TUSC3: variants seen among roughly 807,000 people sequenced by gnomAD.
The protein encoded by TUSC3 is tumor suppressor candidate 3, also known as dolichyl-diphosphooligosaccharide--protein glycosyltransferase subunit TUSC3.
TUSC3 carries 45 observed loss-of-function variants against 44.8 expected under a neutral mutation model. The ratio of observed to expected loss-of-function variants is 1.00; its 90% CI spans 0.79 to 1.29. TUSC3 has a LOEUF of 1.29. TUSC3 is among the 50% of genes most tolerant of loss of function. TUSC3 has a pLI of 0.00. For synonymous variants in TUSC3, 212 were observed against 152.9 expected, an observed-to-expected ratio of 1.39 and a Z score of -2.85; for missense variants, 519 against 437.9, an observed-to-expected ratio of 1.19 and a Z score of -1.65.
intron 6 of TUSC3, among the ~76,000 whole-genome samples, chr8:15,697,295 C>G (rs1368553515): frequency 6.6e-6 from 1 of 152,052 alleles, no homozygotes; most frequent in Non-Finnish European, 1.5e-5. Flanking sequence ...CTGCTCTGAT[C>G]TTGGTTATTT....
At chr8:15,592,148 G>A (rs745702292) in intron 1 of TUSC3, among the ~76,000 whole-genome samples, 16 of 152,172 alleles carry the variant, frequency 1.1e-4, no homozygotes, top group Non-Finnish European at 2.2e-4. Context: ...TTCTTGACTT[G>A]AATAGTTGTT....
At chr8:15,747,825 A>G (rs1453072964) in intron 8 of TUSC3, among the ~76,000 whole-genome samples, 1 of 152,034 alleles carries the variant, frequency 6.6e-6, no homozygotes, top group African/African-American at 2.4e-5. Flanking sequence ...TCTGGTTTTC[A>G]CTTAGACCAT....
At chr8:15,424,740 C>A (rs977666361) in intron 1 of TUSC3, among the ~76,000 whole-genome samples, 1 of 151,960 alleles carries the variant, frequency 6.6e-6, no homozygotes, top group Non-Finnish European at 1.5e-5. Flanking sequence ...ATTAGCCAGG[C>A]GTGGTGGCAC....
the TUSC3 span, among the ~76,000 whole-genome samples, chr8:15,800,342 G>C: frequency 6.6e-6 from 1 of 152,140 alleles, no homozygotes; most frequent in South Asian, 2.1e-4. Context: ...GGAGGCTAAG[G>C]TGGGCAGATT....
chr8:15,536,614 G>T (rs550934678), upstream of TUSC3, among the ~76,000 whole-genome samples: 19 of 145,412 alleles, frequency 1.3e-4, 1 homozygote, highest in East Asian at 4.1e-3. Context: ...CCTGGGAGGC[G>T]GAGGTTGCAG....
intron 6 of TUSC3, among the ~76,000 whole-genome samples, chr8:15,717,078 G>A (rs917397640): frequency 3.3e-5 from 5 of 152,040 alleles, no homozygotes; most frequent in Admixed American, 1.3e-4. Flanking sequence ...ACAATAGACA[G>A]AATTCTGGAC....
intron 1 of TUSC3, among the ~76,000 whole-genome samples, chr8:15,423,199 G>C (rs2129115481): frequency 6.6e-6 from 1 of 152,226 alleles, no homozygotes; most frequent in East Asian, 1.9e-4. Context: ...CAGGTTCAGT[G>C]CATACATGGT....
the TUSC3 span, among the ~76,000 whole-genome samples, chr8:15,796,543 C>T: frequency 6.6e-6 from 1 of 152,194 alleles, no homozygotes; most frequent in African/African-American, 2.4e-5. Context: ...GCATAGCTGC[C>T]ACTGAGATTC....
rs557100979 is a variant in TUSC3, at chr8:15,739,128, G to T, written c.863-4410G>T. Among the ~76,000 whole-genome samples, 30 of 151,814 alleles carry T rather than the reference G, an allele frequency of 2.0e-4. 1 individual carries two copies. The South Asian group carries it at 5.6e-3, about 28-fold the overall frequency. ...TTACAGGCGTGAGCCACTGCGCCTG[G>T]CCTCTTGCTTTGTTATTAAGAATTT... On this transcript the variant is annotated intron_variant, in intron 7 of 10. Transcript: ENST00000503731.
At chr8:15,668,503 C>G (rs766798399) in intron 5 of TUSC3, among the ~76,000 whole-genome samples, 1 of 151,684 alleles carries the variant, frequency 6.6e-6, no homozygotes, top group African/African-American at 2.4e-5. Flanking sequence ...GTGAAAAAGA[C>G]TAGCACGTGA....
At chr8:15,505,783 T>C (rs1801044481) in intron 2 of TUSC3, among the ~76,000 whole-genome samples, 1 of 152,210 alleles carries the variant, frequency 6.6e-6, no homozygotes, top group East Asian at 1.9e-4. Flanking sequence ...TTTTAAACCC[T>C]ACAGAGTAAG....
intron 1 of TUSC3, among the ~76,000 whole-genome samples, chr8:15,448,433 A>G (rs1177672984): frequency 3.3e-5 from 5 of 152,102 alleles, no homozygotes; most frequent in Admixed American, 3.3e-4. Context: ...GTATAAATTT[A>G]TACTGATAAA....
At chr8:15,753,672 C>T (rs750467716) in intron 9 of TUSC3, among the ~76,000 whole-genome samples, 70 of 152,052 alleles carry the variant, frequency 4.6e-4, no homozygotes, top group Non-Finnish European at 7.7e-4. Context: ...CTTTCGTTTT[C>T]TTCTCAGTTA....
the TUSC3 span, among the ~76,000 whole-genome samples, chr8:15,804,774 G>C: frequency 6.6e-6 from 1 of 152,062 alleles, no homozygotes; most frequent in Non-Finnish European, 1.5e-5. Context: ...CTCCAACTTT[G>C]CTCTTTTTGC....
the TUSC3 span, among the ~76,000 whole-genome samples, chr8:15,799,464 C>T: frequency 6.6e-6 from 1 of 152,164 alleles, no homozygotes; most frequent in East Asian, 1.9e-4. Context: ...CAAGGAAGTT[C>T]CTCTGCCTGG....
intron 1 of TUSC3, among the ~76,000 whole-genome samples, chr8:15,481,675 G>C (rs1800663090): frequency 6.6e-6 from 1 of 152,184 alleles, no homozygotes; most frequent in Non-Finnish European, 1.5e-5. Context: ...AGTCTGTTAA[G>C]TGTGCAATAG....
At chr8:15,522,829 T>G (rs964783925) in intron 2 of TUSC3, among the ~76,000 whole-genome samples, 3 of 152,116 alleles carry the variant, frequency 2.0e-5, no homozygotes, top group African/African-American at 7.2e-5. Flanking sequence ...GCTCAAGAAT[T>G]TTGATGGTAT....
At position 15,752,360 on chromosome 8, in the gene TUSC3, A is replaced by AATAT. The variant is rs1811743510; in HGVS notation, c.1028+3895_1028+3896insATAT. Among the ~76,000 whole-genome samples the AATAT allele has an allele frequency of 2.0e-5, 3 of 152,150 alleles. No homozygotes were observed. The East Asian group carries it at 5.8e-4, about 29-fold the overall frequency. On this transcript the variant is annotated intron_variant, in intron 9 of 10. Transcript: ENST00000503731. ...ACAGCCTTAATATGTACTACTCAAT[A>AATAT]GTGAACGTTTCTGGTTTAAAATACA...
In TUSC3 at chr8:15,423,669, G is replaced by A. The variant is rs577390058; in HGVS notation, n.91+6364G>A. 1.1e-4 allele frequency among the ~76,000 whole-genome samples: 16 copies of A among 152,248 alleles called. No homozygotes were observed. In the South Asian group the frequency reaches 3.1e-3, roughly 30 times the overall value. ...ACTAGAAGTGCACATCCTTGCCCTG[G>A]TTCTCTCTTGATCCTCCTAAAGCGG... is the stretch of plus-strand genomic sequence containing the variant. On this transcript the variant is annotated intron_variant and non_coding_transcript_variant, in intron 1 of 5. Coordinates refer to the TUSC3 transcript ENST00000503191.
Sources: gnomAD v4.1 joint callset for allele counts (sites outside exome capture counted in the v4.1 genomes callset) on GRCh38, gnomAD v4.1.1 for gene constraint, MANE v1.5 for transcripts, NCBI Gene and HGNC (gene_info 2026-07-23, HGNC 2026-07-21) for gene names.